Variants in GALNT17 observed in about 807,000 individuals in gnomAD.
The protein encoded by GALNT17 is UDP-GalNAc:polypeptide N-acetylgalactosaminyltransferase-like 3.
In GALNT17, 29 loss-of-function variants were observed where a neutral mutation model predicts 63.7. The observed-to-expected ratio is 0.46, with a 90% CI of 0.34 to 0.62. GALNT17 has a LOEUF of 0.62. Among genes scored for constraint, GALNT17 ranks in the 20% least tolerant of loss-of-function variants. The pLI, the probability that GALNT17 is intolerant of heterozygous loss-of-function variation, is 0.01. For missense variants in GALNT17, 603 were observed against 799.6 expected (o/e 0.75, Z 2.97); for synonymous variants, 305 against 318.3 (o/e 0.96, Z 0.45).
At chr7:71,293,198 C>T (rs1404456884) in intron 1 of GALNT17, among the ~76,000 whole-genome samples, 1 of 152,004 alleles carries the variant, frequency 6.6e-6, no homozygotes, top group African/African-American at 2.4e-5. Context: ...ATACTGATTT[C>T]AGTTCCTTTG....
At chr7:71,660,500 A>C (rs1163505818) in intron 6 of GALNT17, among the ~76,000 whole-genome samples, 2 of 152,168 alleles carry the variant, frequency 1.3e-5, no homozygotes, top group Non-Finnish European at 2.9e-5. Flanking sequence ...CTAGGAACTC[A>C]CCATGTGGGC....
At chr7:71,516,618 G>T (rs1338509076) in intron 5 of GALNT17, among the ~76,000 whole-genome samples, 2 of 152,178 alleles carry the variant, frequency 1.3e-5, no homozygotes, top group African/African-American at 4.8e-5. Flanking sequence ...CTCTGCAGGT[G>T]TATAGGGTTC....
intron 5 of GALNT17, among the ~76,000 whole-genome samples, chr7:71,446,157 G>A (rs1787157090): frequency 6.6e-6 from 1 of 152,174 alleles, no homozygotes; most frequent in Admixed American, 6.5e-5. Flanking sequence ...TTTCTGCTCT[G>A]CTTCCAATCC....
intron 1 of GALNT17, among the ~76,000 whole-genome samples, chr7:71,141,299 G>A (rs1453129243): frequency 2.5e-4 from 38 of 151,984 alleles, no homozygotes; most frequent in Non-Finnish European, 8.8e-5. Flanking sequence ...CCTGAGAGGC[G>A]GAGGTTGCAG....
chr7:71,287,832 A>T (rs1482040610), intron 1 of GALNT17, among the ~76,000 whole-genome samples: 1 of 151,988 alleles, frequency 6.6e-6, no homozygotes, highest in Non-Finnish European at 1.5e-5. Context: ...CAGGCAGATC[A>T]CCTGAGGTCA....
chr7:71,219,769 G>T (rs1035210073), intron 1 of GALNT17, among the ~76,000 whole-genome samples: 2 of 152,110 alleles, frequency 1.3e-5, no homozygotes, highest in African/African-American at 4.8e-5. Flanking sequence ...TTTTATGTCT[G>T]TCCTCATATT....
chr7:71,332,609 C>G (rs1791826068), intron 1 of GALNT17, among the ~76,000 whole-genome samples: 1 of 152,190 alleles, frequency 6.6e-6, no homozygotes, highest in Non-Finnish European at 1.5e-5. Context: ...AGCCTTTCAT[C>G]TTGCTGTGAA....
intron 1 of GALNT17, among the ~76,000 whole-genome samples, chr7:71,171,159 T>C (rs1228119420): frequency 6.6e-6 from 1 of 152,244 alleles, no homozygotes; most frequent in Non-Finnish European, 1.5e-5. Flanking sequence ...CAAAAGTGGA[T>C]GTGCTCAATA....
At position 71,271,426 on chromosome 7, in the gene GALNT17, C is replaced by T. The variant is rs78138562; in HGVS notation, c.239-64124C>T. 4.3e-3 allele frequency among the ~76,000 whole-genome samples: 662 copies of T among 152,320 alleles called. 8 individuals are homozygous for T. Among genetic ancestry groups the T allele is most frequent in the East Asian group, 0.026 (137 of 5,172 alleles). ...CCAGTGGCCACGTGGCTCCCTGGGC[C>T]TGTTCATCCATCCCGGTTTGTTCTG... is the stretch of plus-strand genomic sequence containing the variant. On this transcript the variant is annotated intron_variant, in intron 1 of 10. Transcript: ENST00000333538.
rs546506441 is a variant in GALNT17 at position 71,169,712 on chromosome 7, C to T, written c.238+36672C>T. Reference sequence around the variant, plus strand: ...CTGGAACTACAGGTGCATGCCATCACGCCTGGCTAATTTTGCTATTATTTG... The same window carrying T: ...CTGGAACTACAGGTGCATGCCATCATGCCTGGCTAATTTTGCTATTATTTG... On this transcript the variant is annotated intron_variant, in intron 1 of 10. Transcript: ENST00000333538. Among the ~76,000 whole-genome samples the T allele has an allele frequency of 3.3e-5, 5 of 152,162 alleles. No individual in the cohort carries two copies. In the South Asian group the frequency reaches 6.2e-4, roughly 19 times the overall value.
At chr7:71,620,344 A>T (rs959765992) in intron 6 of GALNT17, among the ~76,000 whole-genome samples, 4 of 152,008 alleles carry the variant, frequency 2.6e-5, no homozygotes, top group Non-Finnish European at 4.4e-5. Context: ...GATTTTTTGG[A>T]ATAGTTTCAG....
At chr7:71,311,608 C>G (rs1242260599) in intron 1 of GALNT17, among the ~76,000 whole-genome samples, 3 of 152,282 alleles carry the variant, frequency 2.0e-5, no homozygotes, top group Non-Finnish European at 4.4e-5. Flanking sequence ...CTTCTCTCTT[C>G]TCAATCCAGG....
intron 5 of GALNT17, among the ~76,000 whole-genome samples, chr7:71,508,982 T>C (rs1398622500): frequency 1.3e-5 from 2 of 152,116 alleles, no homozygotes; most frequent in Non-Finnish European, 2.9e-5. Context: ...ACATACAGCC[T>C]CTCACCTGCT....
At chr7:71,632,085 T>C (rs945493133) in intron 6 of GALNT17, among the ~76,000 whole-genome samples, 1 of 142,560 alleles carries the variant, frequency 7.0e-6, no homozygotes, top group Non-Finnish European at 1.6e-5. Context: ...AGATGTTTAG[T>C]CTAAAAAAAA....
intron 1 of GALNT17, among the ~76,000 whole-genome samples, chr7:71,142,109 A>G (rs1787908236): frequency 1.3e-5 from 2 of 151,566 alleles, no homozygotes; most frequent in Non-Finnish European, 2.9e-5. Flanking sequence ...ACCTCAAGTG[A>G]TCCTCTTGCC....
chr7:71,664,562 G>C (rs1468035885), intron 6 of GALNT17, among the ~76,000 whole-genome samples: 1 of 152,174 alleles, frequency 6.6e-6, no homozygotes, highest in Non-Finnish European at 1.5e-5. Flanking sequence ...AGTGAGCTGT[G>C]ATCGCACCAC....
chr7:71,278,964 T>C (rs891919878), intron 1 of GALNT17, among the ~76,000 whole-genome samples: 2 of 151,618 alleles, frequency 1.3e-5, no homozygotes, highest in Non-Finnish European at 2.9e-5. Context: ...TCTCGCTATG[T>C]CGCCAGGCTA....
At chr7:71,509,391 A>T (rs970834186) in intron 5 of GALNT17, among the ~76,000 whole-genome samples, 1 of 152,216 alleles carries the variant, frequency 6.6e-6, no homozygotes, top group Admixed American at 6.5e-5. Context: ...TGTAACCCCA[A>T]GCATAAGTGG....
At chr7:71,345,108 T>C in intron 2 of GALNT17, among the ~76,000 whole-genome samples, 1 of 152,042 alleles carries the variant, frequency 6.6e-6, no homozygotes, top group Non-Finnish European at 1.5e-5. Context: ...GGGCAAGGCT[T>C]TCTAAGCCCC....
Sources: gnomAD v4.1 joint callset for allele counts (sites outside exome capture counted in the v4.1 genomes callset) on GRCh38, gnomAD v4.1.1 for gene constraint, MANE v1.5 for transcripts, NCBI Gene and HGNC (gene_info 2026-07-23, HGNC 2026-07-21) for gene names.